The following HTR2A variants were observed in gnomAD, a reference collection of about 807,000 sequenced individuals.
HTR2A encodes the protein 5-HT2 receptor.
A neutral mutation model predicts 31.0 loss-of-function variants in HTR2A; 14 were observed. That is an observed-to-expected ratio of 0.45 (90% CI 0.30 to 0.71). HTR2A has a LOEUF of 0.71. Ranked by LOEUF, HTR2A falls within the 30% of genes least tolerant of loss-of-function variation. The pLI is 0.09. For synonymous variants in HTR2A, 209 were observed against 225.2 expected (o/e 0.93, Z 0.64); for missense variants, 442 against 573.3 (o/e 0.77, Z 2.34).
intron 3 of HTR2A, among the ~76,000 whole-genome samples, chr13:46,869,885 C>T (rs1950851681): frequency 6.6e-6 from 1 of 151,940 alleles, no homozygotes; most frequent in Non-Finnish European, 1.5e-5. Flanking sequence ...TTAGAGGTTA[C>T]CAGGGAGTTG....
intron 3 of HTR2A, among the ~76,000 whole-genome samples, chr13:46,863,630 G>GAAAAAAAAAAAAAAAAAA (rs59693757): frequency 2.3e-3 from 137 of 59,260 alleles, no homozygotes; most frequent in African/African-American, 3.5e-3. Flanking sequence ...CCCTCAAAAT[G>GAAAAAAAAAAAAAAAAAA]AAAAAAAAAA....
Position 46,834,727 on chromosome 13 carries a change from G to A in HTR2A, c.*110C>T. ...TAAAATGAGGCATACAGATATGATCGTTGGTTCCACTAGACTTGTCTAATT... is the reference window on the plus strand; with the variant it reads ...TAAAATGAGGCATACAGATATGATCATTGGTTCCACTAGACTTGTCTAATT... On this transcript the variant is annotated 3_prime_UTR_variant, in exon 4 of 4. Transcript: ENST00000542664. The A allele has an allele frequency of 8.9e-6, 7 of 782,530 alleles. No individual in the cohort carries two copies. The highest frequency in any genetic ancestry group is 7.3e-5 in the South Asian group (4 of 54,676). 48.5% of individuals were successfully genotyped at this position (782,530 alleles called of 1,614,324 possible).
At chr13:46,849,111 C>T (rs938653519) in intron 3 of HTR2A, among the ~76,000 whole-genome samples, 1 of 152,166 alleles carries the variant, frequency 6.6e-6, no homozygotes, top group Non-Finnish European at 1.5e-5. Context: ...GCTCACCCCC[C>T]ACCTTTCCTT....
chr13:46,838,683 A>G lies in HTR2A; in HGVS notation c.614-3044T>C, dbSNP rs1350525021. 3.3e-5 allele frequency among the ~76,000 whole-genome samples: 5 copies of G among 152,144 alleles called. 1 individual carries two copies. The highest frequency in any genetic ancestry group is 5.9e-5 in the Non-Finnish European group (4 of 68,028). ...TAATCAATTTTAATTTTGTGCAGCT[A>G]GAACTGTTGATTACTTTCCTAATGT... On this transcript the variant is annotated intron_variant, in intron 3 of 3. Transcript: ENST00000542664.
intron 3 of HTR2A, among the ~76,000 whole-genome samples, chr13:46,884,100 G>T (rs571303347): frequency 1.3e-5 from 2 of 152,340 alleles, no homozygotes; most frequent in African/African-American, 2.4e-5. Flanking sequence ...TTTGACCCAT[G>T]ATGCAGTTAT....
intron 3 of HTR2A, among the ~76,000 whole-genome samples, chr13:46,883,501 G>T (rs1301552559): frequency 1.3e-5 from 2 of 152,088 alleles, no homozygotes; most frequent in African/African-American, 2.4e-5. Flanking sequence ...TGGTATCTTT[G>T]GTTGCCTGTC....
At chr13:46,851,808 T>G (rs1950686645) in intron 3 of HTR2A, among the ~76,000 whole-genome samples, 1 of 152,258 alleles carries the variant, frequency 6.6e-6, no homozygotes. Flanking sequence ...AGCAGAATAA[T>G]GGTCCCCAAA....
intron 3 of HTR2A, among the ~76,000 whole-genome samples, chr13:46,872,195 G>A (rs1471875332): frequency 6.6e-6 from 1 of 152,194 alleles, no homozygotes; most frequent in African/African-American, 2.4e-5. Context: ...AAGGAAATCA[G>A]AATTGGTTAT....
chr13:46,897,237 C>T (rs1951112226), upstream of HTR2A, among the ~76,000 whole-genome samples: 1 of 152,126 alleles, frequency 6.6e-6, no homozygotes, highest in Non-Finnish European at 1.5e-5. Flanking sequence ...TGCAGATTCC[C>T]ATTAAGGTAG....
At chr13:46,867,919 T>A (rs923410086) in intron 3 of HTR2A, among the ~76,000 whole-genome samples, 1 of 151,406 alleles carries the variant, frequency 6.6e-6, no homozygotes, top group African/African-American at 2.4e-5. Flanking sequence ...GAGATTTTTT[T>A]AAAGAGAACT....
intron 3 of HTR2A, among the ~76,000 whole-genome samples, chr13:46,887,503 G>A (rs73175527): frequency 0.048 from 7,157 of 149,024 alleles, 185 homozygotes; most frequent in Middle Eastern, 0.08. Context: ...ACAGAATGAA[G>A]AGAAAAACAA....
intron 3 of HTR2A, among the ~76,000 whole-genome samples, chr13:46,860,807 G>C (rs1950773368): frequency 6.6e-6 from 1 of 152,144 alleles, no homozygotes; most frequent in South Asian, 2.1e-4. Flanking sequence ...CTATTATTAA[G>C]ATTTGCTAAT....
In HTR2A at chr13:46,835,353, A is replaced by G. The variant is rs1380571192; in HGVS notation, c.900T>C (p.His300=). The change falls in exon 4 of 4, where the codon CAT becomes CAC. Residue 300 remains histidine (H), a synonymous_variant. Transcript: ENST00000542664. ...TGCCTGTGTAGGACCCTGGCTCCCT[A>G]TGGATCGACCGCTGGAAGAGCTTTT... ...SSEKLFQRSI[H]REPGSYTGRR... 4.3e-6 allele frequency: 7 copies of G among 1,613,906 alleles called. No homozygotes were observed. The highest frequency in any genetic ancestry group is 1.3e-5 in the African/African-American group (1 of 74,890).
chr13:46,840,748 G>A (rs1437316755), intron 3 of HTR2A, among the ~76,000 whole-genome samples: 2 of 152,142 alleles, frequency 1.3e-5, no homozygotes, highest in African/African-American at 2.4e-5. Context: ...ATTGGCTTCA[G>A]GAAGTCTATG....
rs1395525391 is a variant in HTR2A at position 46,833,704 on chromosome 13, AT to A, written c.*1132del. On this transcript the variant is annotated 3_prime_UTR_variant, in exon 4 of 4. Coordinates refer to ENST00000542664, the MANE Select transcript of HTR2A (RefSeq NM_000621.5). ...TGAAGGCAAGGATTTTGTTTTAATT[AT>A]TTTTATATTTCTCATATCTAGAAAT... 6.6e-6 allele frequency: 1 copy of A among 152,148 alleles called. No individual in the cohort carries two copies. Among genetic ancestry groups the A allele is most frequent in the Non-Finnish European group, 1.5e-5 (1 of 68,022 alleles). 9.4% of individuals were successfully genotyped at this position (152,148 alleles called of 1,614,324 possible). A position where few individuals can be genotyped will look rare whatever the true frequency, so the allele number is the denominator to read the frequency against.
intron 3 of HTR2A, among the ~76,000 whole-genome samples, chr13:46,837,150 AATC>A: frequency 6.6e-6 from 1 of 152,266 alleles, no homozygotes; most frequent in African/African-American, 2.4e-5. Context: ...CCTGGCCTCT[AATC>A]ATGCTATGTG....
intron 3 of HTR2A, among the ~76,000 whole-genome samples, chr13:46,877,183 T>A (rs1049660783): frequency 6.6e-6 from 1 of 152,118 alleles, no homozygotes; most frequent in African/African-American, 2.4e-5. Context: ...AGCATCCAAT[T>A]TAAAGAACAA....
At chr13:46,842,078 A>T (rs549938485) in intron 3 of HTR2A, among the ~76,000 whole-genome samples, 21 of 152,320 alleles carry the variant, frequency 1.4e-4, no homozygotes, top group African/African-American at 5.1e-4. Flanking sequence ...TACGTCATCA[A>T]TGATACAATT....
chr13:46,854,523 A>G (rs543510108), intron 3 of HTR2A, among the ~76,000 whole-genome samples: 1 of 152,360 alleles, frequency 6.6e-6, no homozygotes, highest in South Asian at 2.1e-4. Flanking sequence ...GGCCAGCTTT[A>G]GGTGAAAGCT....
Sources: allele counts gnomAD v4.1 joint callset (sites outside exome capture counted in the v4.1 genomes callset), GRCh38; gene constraint gnomAD v4.1.1; transcripts MANE v1.5; gene names NCBI Gene and HGNC (gene_info 2026-07-23, HGNC 2026-07-21).